The following GATM variants were observed in gnomAD, a reference collection of about 807,000 sequenced individuals.
GATM encodes glycine amidinotransferase, mitochondrial.
GATM carries 23 observed loss-of-function variants against 54.2 expected under a neutral mutation model. The observed-to-expected ratio is 0.42, with a 90% confidence interval of 0.31 to 0.60. The LOEUF (loss-of-function observed/expected upper bound fraction) is 0.60, where lower values mean the gene tolerates loss of function less well. Among genes scored for constraint, GATM ranks in the 20% least tolerant of loss-of-function variants. The pLI is 0.14. For synonymous variants in GATM, 168 were observed against 183.1 expected, an observed-to-expected ratio of 0.92 and a Z score of 0.67; for missense variants, 401 against 544.9, an observed-to-expected ratio of 0.74 and a Z score of 2.63.
intron 4 of GATM, 122 bp from the exon 5 acceptor site, chr15:45,366,630 G>T: frequency 1.9e-6 from 2 of 1,069,756 alleles, no homozygotes; most frequent in Non-Finnish European, 1.4e-6. Flanking sequence ...CTCAGTTCTA[G>T]ACTAAAACAT....
chr15:45,375,304 C>T (rs539581624), intron 2 of GATM, among the ~76,000 whole-genome samples: 11 of 152,174 alleles, frequency 7.2e-5, no homozygotes, highest in African/African-American at 2.2e-4. Context: ...CTCCTGACCT[C>T]GTGATCCACC....
intron 4 of GATM, among the ~76,000 whole-genome samples, chr15:45,367,206 T>G (rs1889463886): frequency 6.6e-6 from 1 of 152,058 alleles, no homozygotes; most frequent in Admixed American, 6.5e-5. Context: ...TCAGGCATGG[T>G]GGCATGCACC....
upstream of GATM, among the ~76,000 whole-genome samples, chr15:45,381,268 ATAG>A (rs1218904530): frequency 6.6e-6 from 1 of 152,216 alleles, no homozygotes; most frequent in African/African-American, 2.4e-5. Flanking sequence ...TTCAAGTCTA[ATAG>A]TAGTTCATCT....
At chr15:45,366,928 T>C (rs1889458736) in intron 4 of GATM, among the ~76,000 whole-genome samples, 1 of 152,200 alleles carries the variant, frequency 6.6e-6, no homozygotes, top group Admixed American at 6.5e-5. Flanking sequence ...TAAATTAAAC[T>C]TTATCATAGG....
At position 45,378,540 on chromosome 15, in the gene GATM, G is replaced by T. The variant is rs1889686870; in HGVS notation, c.-87C>A. 1 of 1,090,438 alleles carries T rather than the reference G, an allele frequency of 9.2e-7. No homozygotes were observed. The highest frequency in any genetic ancestry group is 1.2e-6 in the Non-Finnish European group (1 of 834,010). The allele number at this position is 1,090,438 out of a possible 1,614,324, so 67.5% of individuals were successfully genotyped here. A position where few individuals can be genotyped will look rare whatever the true frequency, so the allele number is the denominator to read the frequency against. On this transcript the variant is annotated 5_prime_UTR_variant, in exon 1 of 9. Transcript: ENST00000396659. ...GCCTTCCCGAGAGCGCGCCCGGAGC[G>T]GGGTGGGCGGGCGCGCGGGGCCCGA... is the stretch of plus-strand genomic sequence containing the variant.
intron 2 of GATM, among the ~76,000 whole-genome samples, chr15:45,372,337 T>C (rs1889558122): frequency 6.6e-6 from 1 of 152,188 alleles, no homozygotes; most frequent in Non-Finnish European, 1.5e-5. Context: ...GCTCTTTTAC[T>C]AAGGTCTATA....
upstream of GATM, chr15:45,379,256 T>A (rs1889700147): frequency 6.6e-6 from 1 of 152,212 alleles, no homozygotes; most frequent in Admixed American, 6.5e-5. Context: ...GGATTCTTTT[T>A]TAGAAAAGTA....
At chr15:45,362,671 AC>A (rs1889382690) in intron 8 of GATM, among the ~76,000 whole-genome samples, 1 of 152,218 alleles carries the variant, frequency 6.6e-6, no homozygotes. Context: ...GATTAACTTC[AC>A]CAGGCCACCA....
At chr15:45,374,110 A>G (rs1446347217) in intron 2 of GATM, among the ~76,000 whole-genome samples, 1 of 152,244 alleles carries the variant, frequency 6.6e-6, no homozygotes, top group African/African-American at 2.4e-5. Flanking sequence ...GCAAACTAGC[A>G]AACCTCTTAA....
At chr15:45,367,223 C>T (rs1415915054) in intron 4 of GATM, among the ~76,000 whole-genome samples, 1 of 152,104 alleles carries the variant, frequency 6.6e-6, no homozygotes, top group Non-Finnish European at 1.5e-5. Context: ...CACCTGTAAT[C>T]CCAGCTACCC....
Position 45,368,021 on chromosome 15 carries a change from G to A in GATM, c.675+49C>T, listed in dbSNP as rs191584035. ...GAGAATCTCTATCTTACTCTTTGTG[G>A]ATCATTTAGAAAAGTTAGTAATAAG... On this transcript the variant is annotated intron_variant, in intron 4 of 8. Coordinates refer to ENST00000396659, the MANE Select transcript of GATM (RefSeq NM_001482.3). The surrounding 1 kb of genome is among the most constrained non-coding windows in gnomAD (Gnocchi z 5.1). The A allele has an allele frequency of 8.1e-5, 122 of 1,512,648 alleles. No individual in the cohort carries two copies. The African/African-American group carries it at 1.5e-3, about 18-fold the overall frequency. The allele number at this position is 1,512,648 out of a possible 1,614,324, so 93.7% of individuals were successfully genotyped here. A position where few individuals can be genotyped will look rare whatever the true frequency, so the allele number is the denominator to read the frequency against.
intron 3 of GATM, among the ~76,000 whole-genome samples, chr15:45,388,750 A>T (rs1187372539): frequency 6.6e-6 from 1 of 152,152 alleles, no homozygotes. Context: ...TAATATTCTC[A>T]TATCACTGAT....
intron 1 of GATM, 186 bp from the exon 2 acceptor site, chr15:45,377,005 C>G: frequency 4.7e-6 from 3 of 639,494 alleles, no homozygotes; most frequent in Non-Finnish European, 5.6e-6. Flanking sequence ...TTTTAACCCT[C>G]TTGTTTATCT....
chr15:45,388,998 T>C (rs1322874170), intron 3 of GATM, among the ~76,000 whole-genome samples: 1 of 152,220 alleles, frequency 6.6e-6, no homozygotes, highest in Non-Finnish European at 1.5e-5. Flanking sequence ...ATTTTCTTAG[T>C]TGGAGGAAGT....
upstream of GATM, among the ~76,000 whole-genome samples, chr15:45,381,263 G>A (rs534678576): frequency 3.3e-5 from 5 of 152,084 alleles, no homozygotes; most frequent in Admixed American, 2.0e-4. Context: ...GCATATTCAA[G>A]TCTAATAGTA....
chr15:45,389,319 C>T (rs566040572), intron 3 of GATM, among the ~76,000 whole-genome samples: 24 of 152,324 alleles, frequency 1.6e-4, no homozygotes, highest in Admixed American at 4.6e-4. Flanking sequence ...GCAGTGATGA[C>T]GGTTGAACTT....
At chr15:45,399,713 A>G (rs763318243) in intron 1 of GATM, 2 of 152,264 alleles carry the variant, frequency 1.3e-5, no homozygotes, top group South Asian at 4.1e-4. Flanking sequence ...TCATACACCT[A>G]GGTGTGAATC....
intron 3 of GATM, chr15:45,396,380 G>C (rs973953835): frequency 6.6e-6 from 1 of 152,170 alleles, no homozygotes; most frequent in Admixed American, 6.5e-5. Context: ...AAGTATAAGA[G>C]ATTTTTCTTG....
chr15:45,362,250 A>T (rs1318380242), intron 8 of GATM, 29 bp from the exon 9 acceptor site: 1 of 1,306,860 alleles, frequency 7.7e-7, no homozygotes, highest in African/African-American at 1.5e-5. Flanking sequence ...GAGGTCAGTT[A>T]GATGGACTAA....
Sources: gnomAD v4.1 joint callset for allele counts (sites outside exome capture counted in the v4.1 genomes callset) on GRCh38, gnomAD v4.1.1 for gene constraint, Gnocchi (gnomAD v3.1) non-coding constraint, MANE v1.5 for transcripts, NCBI Gene and HGNC (gene_info 2026-07-23, HGNC 2026-07-21) for gene names.